The following CDH17 variants were observed in gnomAD, a reference collection of about 807,000 sequenced individuals.
The protein encoded by CDH17 is cadherin-17.
In CDH17, 67 loss-of-function variants were observed where a neutral mutation model predicts 86.3. The ratio of observed to expected loss-of-function variants is 0.78; its 90% CI spans 0.64 to 0.95. The LOEUF (loss-of-function observed/expected upper bound fraction) is 0.95, where lower values mean the gene tolerates loss of function less well. Ranked by LOEUF, CDH17 falls within the 40% of genes least tolerant of loss-of-function variation. The pLI is 0.00. For synonymous variants in CDH17, 367 were observed against 366.4 expected, an observed-to-expected ratio of 1.00 and a Z score of -0.02; for missense variants, 993 against 1,017.6, an observed-to-expected ratio of 0.98 and a Z score of 0.33.
chr8:94,156,534 A>C (rs1401380772), intron 12 of CDH17, among the ~76,000 whole-genome samples: 1 of 152,174 alleles, frequency 6.6e-6, no homozygotes, highest in Non-Finnish European at 1.5e-5. Context: ...GAGAGGCTGG[A>C]GCTTGGGCAG....
At position 94,174,202 on chromosome 8, in the gene CDH17, G is replaced by A. The variant is rs1454336310; in HGVS notation, c.483C>T (p.Gly161=). The change falls in exon 6 of 18, where the codon GGC becomes GGT. Residue 161 remains glycine, a synonymous_variant. Coordinates refer to ENST00000027335, the MANE Select transcript of CDH17 (RefSeq NM_004063.4). ...TDLDDPATPN[G]QLYYQIVIQL... ...GGATGACAATCTGGTAATAAAGCTGGCCATTGGGAGTGGCCGGATCATCCA... is the reference window on the plus strand; with the variant it reads ...GGATGACAATCTGGTAATAAAGCTGACCATTGGGAGTGGCCGGATCATCCA... 1 of 1,613,560 alleles carries A rather than the reference G, an allele frequency of 6.2e-7. No individual in the cohort carries two copies. The highest frequency in any genetic ancestry group is 2.2e-5 in the East Asian group (1 of 44,846).
Position 94,170,851 on chromosome 8 carries a change from CA to C in CDH17, c.915+2del. 6.2e-7 allele frequency: 1 copy of C among 1,612,966 alleles called. No homozygotes were observed. The highest frequency in any genetic ancestry group is 8.5e-7 in the Non-Finnish European group (1 of 1,179,478). ...GCCTGTGAAACTCTTCTCTTTTACT[CA>C]CTGCATCCTTTTCTTCTCGGTCCAA... On this transcript the variant is annotated splice_donor_variant, in intron 8 of 17. Coordinates refer to ENST00000027335, the MANE Select transcript of CDH17 (RefSeq NM_004063.4). LOFTEE classifies it high-confidence loss of function.
upstream of CDH17, among the ~76,000 whole-genome samples, chr8:94,209,293 T>A (rs1199880630): frequency 5.9e-5 from 9 of 152,238 alleles, no homozygotes; most frequent in Non-Finnish European, 1.5e-5. Context: ...AATTCCTGAT[T>A]TCCACACTTT....
intron 11 of CDH17, 75 bp downstream of exon 11, chr8:94,162,011 G>C: frequency 1.1e-6 from 1 of 939,738 alleles, no homozygotes; most frequent in Non-Finnish European, 1.7e-6. Flanking sequence ...GCTACTGTCT[G>C]TGTCTCTATC....
At chr8:94,159,320 C>T (rs1005739384) in intron 12 of CDH17, among the ~76,000 whole-genome samples, 7 of 152,060 alleles carry the variant, frequency 4.6e-5, no homozygotes, top group Non-Finnish European at 7.4e-5. Context: ...AATGAGAGCC[C>T]GTGGGCTTAG....
At chr8:94,129,455 G>A (rs1812367449) in intron 17 of CDH17, among the ~76,000 whole-genome samples, 1 of 143,408 alleles carries the variant, frequency 7.0e-6, no homozygotes, top group Non-Finnish European at 1.6e-5. Context: ...AAAGAAGTGA[G>A]ACCCCCTTTA....
chr8:94,146,879 A>C (rs1409654985), intron 14 of CDH17, among the ~76,000 whole-genome samples: 1 of 152,102 alleles, frequency 6.6e-6, no homozygotes, highest in Non-Finnish European at 1.5e-5. Context: ...TGTTTCTACA[A>C]CTTCTGACTC....
chr8:94,170,803 T>A, intron 8 of CDH17, 51 bp downstream of exon 8: 1 of 1,575,466 alleles, frequency 6.3e-7, no homozygotes, highest in East Asian at 2.3e-5. Flanking sequence ...CAACTGTAGA[T>A]GGGCATAGGA....
At chr8:94,161,010 C>G (rs1240001048) in intron 11 of CDH17, among the ~76,000 whole-genome samples, 1 of 152,136 alleles carries the variant, frequency 6.6e-6, no homozygotes, top group East Asian at 1.9e-4. Flanking sequence ...CTCTTGGCAT[C>G]ATGATCCTAA....
intron 10 of CDH17, among the ~76,000 whole-genome samples, chr8:94,162,536 C>T (rs1813075399): frequency 6.6e-6 from 1 of 152,216 alleles, no homozygotes; most frequent in African/African-American, 2.4e-5. Flanking sequence ...AACTGTCCTT[C>T]CAGAAAGCCT....
At chr8:94,134,103 G>A (rs772945299) in intron 15 of CDH17, among the ~76,000 whole-genome samples, 1 of 152,152 alleles carries the variant, frequency 6.6e-6, no homozygotes, top group African/African-American at 2.4e-5. Flanking sequence ...CAAGGATACT[G>A]GTCTAAAATT....
intron 3 of CDH17, among the ~76,000 whole-genome samples, chr8:94,183,700 A>C (rs967221513): frequency 7.9e-5 from 12 of 152,016 alleles, no homozygotes; most frequent in Admixed American, 6.6e-4. Flanking sequence ...TAACAATAAC[A>C]ATATAAATTG....
intron 15 of CDH17, among the ~76,000 whole-genome samples, chr8:94,139,624 C>A (rs1434758066): frequency 6.6e-6 from 1 of 152,156 alleles, no homozygotes; most frequent in Admixed American, 6.5e-5. Context: ...GTGGGCAGGG[C>A]ACCCCCGGTG....
intron 7 of CDH17, among the ~76,000 whole-genome samples, chr8:94,172,947 G>A (rs373989688): frequency 5.9e-5 from 9 of 152,068 alleles, no homozygotes; most frequent in East Asian, 5.8e-4. Context: ...TCCTATCTCC[G>A]TCCCTCAGCC....
At chr8:94,134,854 G>T (rs576742013) in intron 15 of CDH17, among the ~76,000 whole-genome samples, 1 of 152,178 alleles carries the variant, frequency 6.6e-6, no homozygotes, top group Non-Finnish European at 1.5e-5. Flanking sequence ...ATTCTGGTAC[G>T]TTGTGTGTTT....
chr8:94,141,191 G>A (rs1347464483), intron 15 of CDH17, among the ~76,000 whole-genome samples: 4 of 151,248 alleles, frequency 2.6e-5, no homozygotes, highest in Non-Finnish European at 5.9e-5. Context: ...CAATTAATAG[G>A]CCCAAAAAAT....
At chr8:94,129,019 G>GTAA in intron 17 of CDH17, among the ~76,000 whole-genome samples, 1 of 152,264 alleles carries the variant, frequency 6.6e-6, no homozygotes, top group South Asian at 2.1e-4. Flanking sequence ...TAAGTTTATA[G>GTAA]GAGGAATCAT....
At chr8:94,182,714 T>A (rs1813507102) in intron 3 of CDH17, among the ~76,000 whole-genome samples, 1 of 152,068 alleles carries the variant, frequency 6.6e-6, no homozygotes, top group Admixed American at 6.5e-5. Context: ...AAGACAAGGA[T>A]ACTCAATCTT....
chr8:94,166,117 G>A (rs543476218), intron 9 of CDH17, 141 bp from the exon 10 acceptor site: 1 of 627,824 alleles, frequency 1.6e-6, no homozygotes, highest in South Asian at 2.0e-5. Context: ...AGTTATTTTG[G>A]TTCTTCTCAT....
Sources: allele counts gnomAD v4.1 joint callset (sites outside exome capture counted in the v4.1 genomes callset), GRCh38; gene constraint gnomAD v4.1.1; transcripts MANE v1.5; gene names NCBI Gene and HGNC (gene_info 2026-07-23, HGNC 2026-07-21).